The following PGM5 variants were observed in gnomAD, a reference collection of about 807,000 sequenced individuals.
The protein encoded by PGM5 is phosphoglucomutase-like protein 5.
In PGM5, 23 loss-of-function variants were observed where a neutral mutation model predicts 59.2. The ratio of observed to expected loss-of-function variants is 0.39; its 90% CI spans 0.28 to 0.55. The LOEUF is 0.55. Ranked by LOEUF, PGM5 falls within the 20% of genes least tolerant of loss-of-function variation. The pLI, the probability that PGM5 is intolerant of heterozygous loss-of-function variation, is 0.66. For synonymous variants in PGM5, 214 were observed against 286.0 expected, an observed-to-expected ratio of 0.75 and a Z score of 2.54; for missense variants, 574 against 748.3, an observed-to-expected ratio of 0.77 and a Z score of 2.72.
At chr9:68,399,178 T>G (rs1177030313) in intron 6 of PGM5, 1 of 152,082 alleles carries the variant, frequency 6.6e-6, no homozygotes, top group Non-Finnish European at 1.5e-5. Flanking sequence ...TGTCCATGAG[T>G]GCATCCATGA....
chr9:68,447,566 G>C (rs144582723), intron 6 of PGM5, among the ~76,000 whole-genome samples: 2 of 152,236 alleles, frequency 1.3e-5, no homozygotes, highest in East Asian at 3.9e-4. Flanking sequence ...CTTTTATAGT[G>C]TTTAGCACAA....
intron 2 of PGM5, among the ~76,000 whole-genome samples, chr9:68,383,740 TAA>T (rs61055122): frequency 0.51 from 54,081 of 106,034 alleles, 13,139 homozygotes; most frequent in South Asian, 0.65. Context: ...ATATACAAGG[TAA>T]AAAAAAAAAA....
chr9:68,447,419 G>A (rs1564008017), intron 6 of PGM5, among the ~76,000 whole-genome samples: 1 of 150,106 alleles, frequency 6.7e-6, no homozygotes, highest in Non-Finnish European at 1.5e-5. Context: ...GCTCGAGTTT[G>A]GAGAGAGAGA....
intron 7 of PGM5, among the ~76,000 whole-genome samples, chr9:68,469,585 T>C (rs578182257): frequency 1.3e-5 from 2 of 152,316 alleles, no homozygotes; most frequent in East Asian, 3.9e-4. Flanking sequence ...GTGTGTGTAT[T>C]CTGTGTCACA....
At chr9:68,439,334 C>T (rs1219704764) in intron 6 of PGM5, among the ~76,000 whole-genome samples, 1 of 150,704 alleles carries the variant, frequency 6.6e-6, no homozygotes, top group Non-Finnish European at 1.5e-5. Flanking sequence ...CCACTGCACT[C>T]TAGCCTGGGC....
chr9:68,486,618 C>T (rs1044332781), intron 9 of PGM5, among the ~76,000 whole-genome samples: 1 of 152,142 alleles, frequency 6.6e-6, no homozygotes, highest in African/African-American at 2.4e-5. Context: ...GTACTTATTC[C>T]TTTTATTACC....
At chr9:68,492,237 G>C (rs1358412567) in intron 9 of PGM5, among the ~76,000 whole-genome samples, 2 of 152,206 alleles carry the variant, frequency 1.3e-5, no homozygotes, top group Non-Finnish European at 2.9e-5. Context: ...GGTGGATATT[G>C]TGTGAACAGG....
At chr9:68,466,866 G>A (rs1554685866) in intron 7 of PGM5, among the ~76,000 whole-genome samples, 1 of 152,148 alleles carries the variant, frequency 6.6e-6, no homozygotes, top group Non-Finnish European at 1.5e-5. Flanking sequence ...ACTTTCCCTG[G>A]TAGCAGAGAC....
intron 1 of PGM5, among the ~76,000 whole-genome samples, chr9:68,376,479 G>GTA (rs1358046338): frequency 1.8e-4 from 16 of 90,648 alleles, no homozygotes; most frequent in African/African-American, 6.8e-4. Context: ...TTTGAGCTGT[G>GTA]TGTGTGTGTG....
At chr9:68,491,793 G>C (rs1344565659) in intron 9 of PGM5, among the ~76,000 whole-genome samples, 1 of 152,184 alleles carries the variant, frequency 6.6e-6, no homozygotes, top group Non-Finnish European at 1.5e-5. Flanking sequence ...CTTGAGTCCA[G>C]GAGTCCAAGA....
rs1160291181 is a variant in PGM5, at chr9:68,481,517, A to G, written c.1295+1964A>G. On this transcript the variant is annotated intron_variant, in intron 8 of 10. Transcript: ENST00000396396. ...GCATGAAGCTGTTCCAAAACGTCCA[A>G]CCTGACAAAATATATTATGATTGAC... 7.2e-5 allele frequency among the ~76,000 whole-genome samples: 11 copies of G among 152,186 alleles called. 1 individual carries two copies. Among genetic ancestry groups the G allele is most frequent in the Admixed American group, 6.5e-4 (10 of 15,276 alleles).
chr9:68,527,814 A>G (rs1456804811), intron 10 of PGM5, among the ~76,000 whole-genome samples: 1 of 152,218 alleles, frequency 6.6e-6, no homozygotes, highest in Non-Finnish European at 1.5e-5. Flanking sequence ...CTGCCAGATC[A>G]ATATTTCCAA....
At chr9:68,378,394 G>A (rs201293913) in intron 2 of PGM5, 33 bp downstream of exon 2, 181 of 1,552,636 alleles carry the variant, frequency 1.2e-4, no homozygotes, top group East Asian at 5.4e-4. Flanking sequence ...TAATAATTAC[G>A]ATTTCTTTCC....
chr9:68,506,192 T>TGTTTACACATCCTAACTGGATGTGTA (rs1554689013), intron 10 of PGM5, among the ~76,000 whole-genome samples: 8 of 152,240 alleles, frequency 5.3e-5, no homozygotes, highest in Non-Finnish European at 8.8e-5. Flanking sequence ...AAACAGACTG[T>TGTTTACACATCCTAACTGGATGTGTA]AACCTACTCT....
At chr9:68,361,258 A>C (rs1279670534) in intron 1 of PGM5, among the ~76,000 whole-genome samples, 1 of 152,178 alleles carries the variant, frequency 6.6e-6, no homozygotes, top group Non-Finnish European at 1.5e-5. Flanking sequence ...TATTTAGCTC[A>C]AGACTTTTTT....
In PGM5 at chr9:68,423,655, G is replaced by C. The variant is rs201251892; in HGVS notation, c.1043+31182G>C. Among the ~76,000 whole-genome samples, 356 of 145,842 alleles carry C rather than the reference G, an allele frequency of 2.4e-3. 1 individual carries two copies. Among genetic ancestry groups the C allele is most frequent in the African/African-American group, 6.3e-3 (245 of 38,824 alleles). ...TCTCTCTCTCTCTCTCTCTCTCTCT[G>C]TCTCTCTCTCTCTCTCTCTCTCTCT... On this transcript the variant is annotated intron_variant, in intron 6 of 10. Transcript: ENST00000396396.
chr9:68,423,171 G>T (rs576818408), intron 6 of PGM5, among the ~76,000 whole-genome samples: 1 of 152,270 alleles, frequency 6.6e-6, no homozygotes, highest in African/African-American at 2.4e-5. Context: ...TGTGAATTGT[G>T]CTGCTATAAA....
Position 68,434,788 on chromosome 9 carries a change from A to G in PGM5, c.1044-30305A>G, listed in dbSNP as rs200276519. Reference sequence around the variant, plus strand: ...CTGAGAGACAGCAAGACTCCATCTCAAAAAAAAAAAAATGGTGATCTCTCT... The same window carrying G: ...CTGAGAGACAGCAAGACTCCATCTCGAAAAAAAAAAAATGGTGATCTCTCT... On this transcript the variant is annotated intron_variant, in intron 6 of 10. Transcript: ENST00000396396. Among the ~76,000 whole-genome samples, 22 of 138,372 alleles carry G rather than the reference A, an allele frequency of 1.6e-4. No individual in the cohort carries two copies. In the East Asian group the frequency reaches 4.2e-3, roughly 26 times the overall value. 90.8% of individuals were successfully genotyped at this position (138,372 alleles called of 152,430 possible).
intron 9 of PGM5, among the ~76,000 whole-genome samples, chr9:68,488,691 C>T (rs1020139462): frequency 6.6e-6 from 1 of 152,184 alleles, no homozygotes; most frequent in African/African-American, 2.4e-5. Flanking sequence ...GTGCTTTCCA[C>T]TATACAGGGC....
Sources: gnomAD v4.1 joint callset for allele counts (sites outside exome capture counted in the v4.1 genomes callset) on GRCh38, gnomAD v4.1.1 for gene constraint, MANE v1.5 for transcripts, NCBI Gene and HGNC (gene_info 2026-07-23, HGNC 2026-07-21) for gene names.